The following DNAH14 variants were observed in gnomAD, a reference collection of about 807,000 sequenced individuals.
DNAH14 encodes the protein axonemal beta dynein heavy chain 14.
A neutral mutation model predicts 520.9 loss-of-function variants in DNAH14; 478 were observed. The observed-to-expected ratio is 0.92, with a 90% CI of 0.85 to 0.99. The LOEUF is 0.99. Ranked by LOEUF, DNAH14 falls within the 50% of genes least tolerant of loss-of-function variation. DNAH14 has a pLI of 0.00. For missense variants in DNAH14, 4,831 were observed against 5,234.5 expected (o/e 0.92, Z 2.38); for synonymous variants, 1,581 against 1,757.2 (o/e 0.90, Z 2.51).
intron 38 of DNAH14, 49 bp downstream of exon 38, chr1:225,192,960 T>A (rs1032892995): frequency 1.0e-5 from 14 of 1,365,136 alleles, no homozygotes; most frequent in Non-Finnish European, 1.3e-5. Context: ...TGTGGATTAT[T>A]TAATTGCTTA....
rs1351080185 is a variant in DNAH14, at chr1:225,117,698, T to TA, written c.3886dup (p.Arg1296LysfsTer11). 6.5e-7 allele frequency: 1 copy of TA among 1,545,264 alleles called. No individual in the cohort carries two copies. On this transcript the variant is annotated frameshift_variant, in exon 24 of 86. Transcript: ENST00000682510. LOFTEE classifies it high-confidence loss of function. ...ATTCTGGACAGGATTACCTTGAAGT[T>TA]AAAAGATTAATTTTCCCAAGATTTT...
rs2093829582 is a variant in DNAH14 at position 225,289,979 on chromosome 1, G to A, written c.8366G>A (p.Cys2789Tyr). 6.5e-7 allele frequency: 1 copy of A among 1,543,002 alleles called. No individual in the cohort carries two copies. Among genetic ancestry groups the A allele is most frequent in the South Asian group, 1.2e-5 (1 of 82,618 alleles). The change falls in exon 55 of 86, where the codon TGT becomes TAT. Residue 2789 changes from cysteine to tyrosine, a missense_variant. By Grantham distance (194) the Cys-to-Tyr change is radical. Transcript: ENST00000682510. ...TACCGAGTGCCTATATCTCACAAAT[G>A]TGCCTACATCGAATTCAAAGAAGTC... ...KLYRVPISHK[C>Y]AYIEFKEVFK...
chr1:225,377,301 C>T lies in DNAH14; in HGVS notation c.12581C>T (p.Pro4194Leu). ...KDYIHIIQSL[P>L]DDDLPEVLGI... is the part of the protein sequence containing the mutation. ...TACATACACATTATCCAGTCCTTACCTGATGATGACCTTCCCGAGGTCTTA... is the reference window on the plus strand; with the variant it reads ...TACATACACATTATCCAGTCCTTACTTGATGATGACCTTCCCGAGGTCTTA... The change falls in exon 79 of 86, where the codon CCT (proline) becomes CTT (leucine). Residue 4194 changes from proline (P) to leucine (L), a missense_variant. Pro to Leu is a moderately conservative substitution (Grantham distance 98, BLOSUM62 -3). Coordinates refer to ENST00000682510, the MANE Select transcript of DNAH14 (RefSeq NM_001367479.1). 6.5e-7 allele frequency: 1 copy of T among 1,549,816 alleles called. No homozygotes were observed. The highest frequency in any genetic ancestry group is 8.7e-7 in the Non-Finnish European group (1 of 1,146,136).
chr1:225,000,000 T>C lies in DNAH14; in HGVS notation c.831-2783T>C, dbSNP rs1414361309. Among the ~76,000 whole-genome samples, 3 of 152,198 alleles carry C rather than the reference T, an allele frequency of 2.0e-5. No individual in the cohort carries two copies. The East Asian group carries it at 5.8e-4, about 29-fold the overall frequency. ...TTATATTTTTGTTTATCATGTTCTT[T>C]CTTCCTTTTTAATGTTGCAGTGTTC... On this transcript the variant is annotated intron_variant, in intron 8 of 85. Coordinates refer to ENST00000682510, the MANE Select transcript of DNAH14 (RefSeq NM_001367479.1).
chr1:225,074,993 T>C (rs1159515346), intron 17 of DNAH14, among the ~76,000 whole-genome samples: 2 of 152,216 alleles, frequency 1.3e-5, no homozygotes, highest in Admixed American at 1.3e-4. Flanking sequence ...ACCTCCCACT[T>C]TGCCAGCATT....
Position 225,333,329 on chromosome 1 carries a change from A to G in DNAH14, c.9903A>G (p.Lys3301=). Residue 3301 remains lysine (K), a synonymous_variant, in exon 66 of 86, where the codon AAA becomes AAG. Coordinates refer to ENST00000682510, the MANE Select transcript of DNAH14 (RefSeq NM_001367479.1). Reference sequence around the variant, plus strand: ...AAACAATCAATCAAATAGATAACAAATTAGAAGGAATTTTGGGTGACATAC... The same window carrying G: ...AAACAATCAATCAAATAGATAACAAGTTAGAAGGAATTTTGGGTGACATAC... ...WQETINQIDN[K]LEGILGDILL... 6.4e-7 allele frequency: 1 copy of G among 1,551,680 alleles called. No homozygotes were observed. Among genetic ancestry groups the G allele is most frequent in the Non-Finnish European group, 8.7e-7 (1 of 1,146,880 alleles).
intron 64 of DNAH14, among the ~76,000 whole-genome samples, chr1:225,326,319 T>G (rs755087765): frequency 1.3e-5 from 2 of 152,228 alleles, no homozygotes; most frequent in African/African-American, 2.4e-5. Flanking sequence ...AACTGCTACA[T>G]TTTAAAATAT....
Position 225,206,956 on chromosome 1 carries a change from C to A in DNAH14, c.6187-12C>A. 1 of 1,461,060 alleles carries A rather than the reference C, an allele frequency of 6.8e-7. No homozygotes were observed. Among genetic ancestry groups the A allele is most frequent in the South Asian group, 1.4e-5 (1 of 69,298 alleles). The allele number at this position is 1,461,060 out of a possible 1,614,324, so 90.5% of individuals were successfully genotyped here. On this transcript the variant is annotated splice_polypyrimidine_tract_variant and intron_variant, in intron 40 of 85. Transcript: ENST00000682510. ...TATTTACATAAGATTATATTTTGCT[C>A]CTTATTATTAGGATCCTGTTGATCT...
intron 10 of DNAH14, among the ~76,000 whole-genome samples, chr1:225,020,263 A>G (rs2065560575): frequency 6.6e-6 from 1 of 151,938 alleles, no homozygotes; most frequent in African/African-American, 2.4e-5. Flanking sequence ...TTGGGAGGCC[A>G]AGGAAGGCAG....
At chr1:225,041,852 A>G (rs148997538) in intron 12 of DNAH14, among the ~76,000 whole-genome samples, 45 of 152,334 alleles carry the variant, frequency 3.0e-4, no homozygotes, top group Non-Finnish European at 4.3e-4. Flanking sequence ...ATATTTATTA[A>G]GAATTGTCTG....
At chr1:225,215,665 C>T (rs2089202826) in intron 41 of DNAH14, among the ~76,000 whole-genome samples, 1 of 152,114 alleles carries the variant, frequency 6.6e-6, no homozygotes, top group African/African-American at 2.4e-5. Flanking sequence ...TTCTTTGTCT[C>T]TTTTGATCTT....
rs576787264 is a variant in DNAH14, at chr1:225,217,214, C to T, written c.6439+9994C>T. On this transcript the variant is annotated intron_variant, in intron 41 of 85. Coordinates refer to ENST00000682510, the MANE Select transcript of DNAH14 (RefSeq NM_001367479.1). The stretch of plus-strand genomic sequence containing the variant: ...GGTATCACCAGCGGAGGCTGCAGAA[C>T]AGCAAATATTGCAGAACAGCAAATG... Among the ~76,000 whole-genome samples the T allele has an allele frequency of 2.2e-4, 34 of 152,328 alleles. 1 individual carries two copies. Among genetic ancestry groups the T allele is most frequent in the East Asian group, 1.9e-3 (10 of 5,188 alleles).
At chr1:225,033,053 T>C (rs927658092) in intron 11 of DNAH14, among the ~76,000 whole-genome samples, 23 of 152,188 alleles carry the variant, frequency 1.5e-4, no homozygotes, top group African/African-American at 5.5e-4. Context: ...TGATAGTTTC[T>C]TTTCCTGTGC....
intron 58 of DNAH14, among the ~76,000 whole-genome samples, chr1:225,305,949 T>C (rs955557259): frequency 5.3e-5 from 8 of 152,220 alleles, no homozygotes; most frequent in Non-Finnish European, 8.8e-5. Context: ...ACTTGGAGGA[T>C]AGACCACAGC....
intron 71 of DNAH14, among the ~76,000 whole-genome samples, chr1:225,348,118 C>T (rs1203971160): frequency 6.6e-6 from 1 of 151,988 alleles, no homozygotes; most frequent in African/African-American, 2.4e-5. Context: ...CAGACTTAAT[C>T]AGACAGAACA....
intron 81 of DNAH14, among the ~76,000 whole-genome samples, chr1:225,385,798 T>C (rs1450663282): frequency 2.6e-5 from 4 of 152,204 alleles, no homozygotes; most frequent in Non-Finnish European, 5.9e-5. Context: ...AAAATGGCCA[T>C]ACTACCCAAG....
intron 84 of DNAH14, 50 bp from the exon 85 acceptor site, chr1:225,398,470 G>A (rs768292105): frequency 1.9e-6 from 3 of 1,541,760 alleles, no homozygotes; most frequent in Non-Finnish European, 1.8e-6. Context: ...GCCTCCAGTT[G>A]GTCGCTGCTT....
intron 8 of DNAH14, among the ~76,000 whole-genome samples, chr1:224,974,805 C>A (rs1026568273): frequency 8.5e-5 from 13 of 152,068 alleles, no homozygotes; most frequent in African/African-American, 3.1e-4. Flanking sequence ...CAAGAATGTT[C>A]TTTTCAAAGG....
At chr1:225,051,984 G>T (rs1391430954) in intron 17 of DNAH14, among the ~76,000 whole-genome samples, 189 bp downstream of exon 17, 1 of 152,054 alleles carries the variant, frequency 6.6e-6, no homozygotes, top group African/African-American at 2.4e-5. Context: ...TTGTATCTTT[G>T]ATAAAATATC....
Sources: allele counts gnomAD v4.1 joint callset (sites outside exome capture counted in the v4.1 genomes callset), GRCh38; gene constraint gnomAD v4.1.1; transcripts MANE v1.5; gene names NCBI Gene and HGNC (gene_info 2026-07-23, HGNC 2026-07-21).